Variants in FER observed in about 807,000 individuals in gnomAD.
The protein encoded by FER is FER tyrosine kinase, also known as tyrosine-protein kinase Fer.
Under a neutral mutation model 111.0 loss-of-function variants are expected in FER, and 63 were observed. The ratio of observed to expected loss-of-function variants is 0.57; its 90% CI spans 0.46 to 0.70. FER has a LOEUF of 0.70. Among genes scored for constraint, FER ranks in the 30% least tolerant of loss-of-function variants. The probability of loss-of-function intolerance (pLI) is 0.00; values close to 1 mark genes in which losing one functional copy is unlikely to be tolerated. For synonymous variants in FER, 327 were observed against 313.9 expected (o/e 1.04, Z -0.44); for missense variants, 914 against 954.0 (o/e 0.96, Z 0.55).
chr5:108,902,053 C>T (rs1750107200), intron 10 of FER, among the ~76,000 whole-genome samples: 1 of 152,148 alleles, frequency 6.6e-6, no homozygotes, highest in African/African-American at 2.4e-5. Context: ...CTTCTCTGAA[C>T]TTAACAGAGT....
chr5:108,852,660 GTTACCTGAAA>G, intron 5 of FER, among the ~76,000 whole-genome samples: 1 of 152,196 alleles, frequency 6.6e-6, no homozygotes, highest in South Asian at 2.1e-4. Context: ...TTCTACTGAA[GTTACCTGAAA>G]ATGAGAGGTT....
intron 16 of FER, among the ~76,000 whole-genome samples, chr5:109,062,051 T>C (rs2149968102): frequency 6.6e-6 from 1 of 152,112 alleles, no homozygotes; most frequent in East Asian, 1.9e-4. Flanking sequence ...GCTTGCTTGC[T>C]TATGAGTTGC....
chr5:109,186,084 A>G (rs968909978), intron 18 of FER, 116 bp from the exon 19 acceptor site: 1 of 1,429,164 alleles, frequency 7.0e-7, no homozygotes, highest in East Asian at 2.3e-5. Flanking sequence ...TATGTGCTCC[A>G]TCATTGACCA....
rs201109938 is a variant in FER, at chr5:109,146,198, A to ATAATCT, written c.2049-34549_2049-34548insTAATCT. 1.4e-3 allele frequency among the ~76,000 whole-genome samples: 131 copies of ATAATCT among 92,912 alleles called. 1 individual carries two copies. The highest frequency in any genetic ancestry group is 4.8e-3 in the African/African-American group (115 of 23,914). 61.0% of individuals were successfully genotyped at this position (92,912 alleles called of 152,430 possible). On this transcript the variant is annotated intron_variant, in intron 17 of 19. Transcript: ENST00000281092. ...GCAGCAAAAAAATACATATATATAT[A>ATAATCT]ATCTATCTATTTTATATATATATAT... is the stretch of plus-strand genomic sequence containing the variant.
At chr5:109,105,325 G>A (rs1282619600) in intron 17 of FER, among the ~76,000 whole-genome samples, 1 of 150,136 alleles carries the variant, frequency 6.7e-6, no homozygotes, top group Non-Finnish European at 1.5e-5. Flanking sequence ...GTATGCTTCT[G>A]ACCATTTACA....
chr5:109,076,657 C>T (rs984045353), intron 16 of FER, among the ~76,000 whole-genome samples: 3 of 152,166 alleles, frequency 2.0e-5, no homozygotes, highest in Non-Finnish European at 2.9e-5. Flanking sequence ...AAGCTGGTCT[C>T]GAACTCCTGG....
intron 14 of FER, among the ~76,000 whole-genome samples, chr5:109,043,951 C>G (rs949914222): frequency 1.3e-5 from 2 of 150,968 alleles, no homozygotes; most frequent in African/African-American, 4.9e-5. Flanking sequence ...AGACTGGCAA[C>G]AGAGTGAGAC....
At chr5:109,089,085 C>A (rs1040537986) in intron 16 of FER, among the ~76,000 whole-genome samples, 2 of 152,138 alleles carry the variant, frequency 1.3e-5, no homozygotes, top group African/African-American at 4.8e-5. Context: ...AATAGGGAGA[C>A]AGTCAGACTT....
At chr5:108,772,438 G>T (rs1004707237) in intron 2 of FER, among the ~76,000 whole-genome samples, 1 of 150,328 alleles carries the variant, frequency 6.7e-6, no homozygotes, top group African/African-American at 2.5e-5. Flanking sequence ...TTTTCAAACA[G>T]CTGCTTGCTT....
intron 5 of FER, among the ~76,000 whole-genome samples, chr5:108,841,101 C>G (rs1307672782): frequency 1.3e-5 from 2 of 152,186 alleles, no homozygotes; most frequent in Non-Finnish European, 2.9e-5. Flanking sequence ...ATTCCAAAAG[C>G]TTTGCTGATA....
intron 18 of FER, among the ~76,000 whole-genome samples, chr5:109,183,248 G>GGTTT (rs139794738): frequency 5.2e-5 from 6 of 115,670 alleles, no homozygotes; most frequent in East Asian, 2.3e-4. Context: ...ATCCTAGCGT[G>GGTTT]TTTTTTTTTT....
intron 13 of FER, among the ~76,000 whole-genome samples, chr5:108,962,009 G>T (rs569727667): frequency 3.3e-4 from 50 of 152,058 alleles, no homozygotes; most frequent in African/African-American, 1.0e-3. Context: ...ATTTATCTCT[G>T]CTCCTACCCA....
At chr5:109,155,120 C>A (rs1297204847) in intron 17 of FER, among the ~76,000 whole-genome samples, 2 of 151,886 alleles carry the variant, frequency 1.3e-5, no homozygotes, top group African/African-American at 2.4e-5. Context: ...CATTCATATT[C>A]TCTTGTCATA....
chr5:109,010,393 G>C (rs544733301), intron 13 of FER, among the ~76,000 whole-genome samples: 207 of 151,978 alleles, frequency 1.4e-3, no homozygotes, highest in African/African-American at 4.6e-3. Context: ...TCCTGACCTC[G>C]TGATCCGCCC....
intron 13 of FER, among the ~76,000 whole-genome samples, chr5:109,024,539 C>T (rs563590516): frequency 5.3e-5 from 8 of 152,062 alleles, no homozygotes; most frequent in Admixed American, 2.6e-4. Flanking sequence ...GATAGAGACC[C>T]CTTCTTCATA....
At chr5:108,894,343 A>G in intron 9 of FER, 1 of 973,420 alleles carries the variant, frequency 1.0e-6, no homozygotes, top group Non-Finnish European at 1.3e-6. Flanking sequence ...AGGAGGAGCC[A>G]TCACTGTTTC....
chr5:108,920,302 AGG>A (rs1165714045), intron 10 of FER, among the ~76,000 whole-genome samples: 1 of 152,118 alleles, frequency 6.6e-6, no homozygotes, highest in Admixed American at 6.5e-5. Flanking sequence ...AATATGTAGA[AGG>A]AATGCTTTTG....
At chr5:108,922,530 T>C (rs1753158675) in intron 10 of FER, among the ~76,000 whole-genome samples, 1 of 152,204 alleles carries the variant, frequency 6.6e-6, no homozygotes, top group African/African-American at 2.4e-5. Flanking sequence ...TCAACACATT[T>C]AATGTTGAAA....
chr5:109,046,263 A>G (rs1187131301), intron 15 of FER, among the ~76,000 whole-genome samples: 6 of 152,180 alleles, frequency 3.9e-5, no homozygotes, highest in Admixed American at 1.3e-4. Context: ...ACAAAATCCA[A>G]TGAAATGGTT....
Sources: gnomAD v4.1 joint callset for allele counts (sites outside exome capture counted in the v4.1 genomes callset) on GRCh38, gnomAD v4.1.1 for gene constraint, MANE v1.5 for transcripts, NCBI Gene and HGNC (gene_info 2026-07-23, HGNC 2026-07-21) for gene names.